The following TXLNG variants were observed in gnomAD, a reference collection of about 807,000 sequenced individuals.
The protein encoded by TXLNG is gamma-taxilin.
In TXLNG, 5 loss-of-function variants were observed where a neutral mutation model predicts 38.8. The observed-to-expected ratio is 0.13, with a 90% CI of 0.07 to 0.27. The LOEUF (loss-of-function observed/expected upper bound fraction) is 0.27. Among genes scored for constraint, TXLNG ranks in the 10% least tolerant of loss-of-function variants. The probability of loss-of-function intolerance (pLI) is 1.00; values close to 1 mark genes in which losing one functional copy is unlikely to be tolerated. For synonymous variants in TXLNG, 182 were observed against 158.2 expected (o/e 1.15, Z -1.13); for missense variants, 393 against 398.2 (o/e 0.99, Z 0.11).
At chrX:16,804,895 C>T (rs1266541627) in intron 1 of TXLNG, among the ~76,000 whole-genome samples, 2 of 102,825 alleles carry the variant, frequency 1.9e-5, no homozygotes, top group African/African-American at 7.1e-5. Context: ...ACCTCACTGT[C>T]CGTTGTCCCT....
rs1304872166 is a variant in TXLNG at position 16,794,526 on chromosome X, ACT to A, written c.102+7942_102+7943del. ...ATTGAAAGGTAGAGAGTTTAGAGAG[ACT>A]CTCTTTAACTTCTTGTAAATAAAGT... On this transcript the variant is annotated intron_variant, in intron 1 of 9. Coordinates refer to ENST00000380122, the MANE Select transcript of TXLNG (RefSeq NM_018360.3). Among the ~76,000 whole-genome samples the A allele has an allele frequency of 3.9e-5, 3 of 76,775 alleles. No homozygotes were observed. The East Asian group carries it at 9.1e-4, about 23-fold the overall frequency. 66.7% of individuals were successfully genotyped at this position (76,775 alleles called of 115,157 possible). A position where few individuals can be genotyped will look rare whatever the true frequency, so the allele number is the denominator to read the frequency against.
rs1929923145 is a variant in TXLNG at position 16,843,128 on chromosome X, A to G, written c.*1362A>G. The G allele has an allele frequency of 8.9e-6, 1 of 112,752 alleles. No homozygotes were observed. Among genetic ancestry groups the G allele is most frequent in the African/African-American group, 3.2e-5 (1 of 31,071 alleles). The allele number at this position is 112,752 out of a possible 1,213,427, so 9.3% of individuals were successfully genotyped here. ...GCTTTATGAAATAAAAGGTTCTACT[A>G]GAACTGATGTTAGCACATTCCACTG... is the stretch of plus-strand genomic sequence containing the variant. On this transcript the variant is annotated 3_prime_UTR_variant, in exon 10 of 10. Coordinates refer to ENST00000380122, the MANE Select transcript of TXLNG (RefSeq NM_018360.3).
intron 3 of TXLNG, among the ~76,000 whole-genome samples, chrX:16,821,716 C>T (rs981333375): frequency 1.8e-5 from 2 of 111,497 alleles, no homozygotes; most frequent in African/African-American, 3.3e-5. Flanking sequence ...TGAGGCTGGG[C>T]GCGGTGGCTC....
chrX:16,843,030 G>GTTATGCAGATGA lies in TXLNG; in HGVS notation c.*1268_*1279dup, dbSNP rs781590257. On this transcript the variant is annotated 3_prime_UTR_variant, in exon 10 of 10. Coordinates refer to ENST00000380122, the MANE Select transcript of TXLNG (RefSeq NM_018360.3). Reference sequence around the variant, plus strand: ...TTGTTTCAATGTTGAATGTGGCGCAGTTATGCAGATGATTAATCAGGCTGC... The same window carrying GTTATGCAGATGA: ...TTGTTTCAATGTTGAATGTGGCGCAGTTATGCAGATGATTATGCAGATGATTAATCAGGCTGC... The GTTATGCAGATGA allele has an allele frequency of 8.9e-6, 1 of 112,546 alleles. No homozygotes were observed. Among genetic ancestry groups the GTTATGCAGATGA allele is most frequent in the Non-Finnish European group, 1.9e-5 (1 of 53,339 alleles). The allele number at this position is 112,546 out of a possible 1,213,427, so 9.3% of individuals were successfully genotyped here.
intron 1 of TXLNG, among the ~76,000 whole-genome samples, chrX:16,805,736 C>G (rs1462590012): frequency 8.9e-6 from 1 of 111,963 alleles, no homozygotes; most frequent in African/African-American, 3.2e-5. Flanking sequence ...TATTTCATAC[C>G]TAAAATTTAC....
chrX:16,813,239 T>G (rs1191507947), intron 1 of TXLNG, among the ~76,000 whole-genome samples: 1 of 111,299 alleles, frequency 9.0e-6, no homozygotes, highest in Non-Finnish European at 1.9e-5. Flanking sequence ...AAAAACACAG[T>G]GAGGTACCAT....
At chrX:16,832,506 T>C in intron 5 of TXLNG, 117 bp from the exon 6 acceptor site, 2 of 974,894 alleles carry the variant, frequency 2.1e-6, no homozygotes, top group Admixed American at 5.0e-5. Flanking sequence ...TGTTCTTAGC[T>C]GCAGTGGTAG....
chrX:16,839,770 G>T, intron 8 of TXLNG, 51 bp from the exon 9 acceptor site: 1 of 941,161 alleles, frequency 1.1e-6, no homozygotes, highest in Non-Finnish European at 1.5e-6. Context: ...GGGACAGGGA[G>T]TAGAGATAAG....
At chrX:16,798,038 G>T (rs1000174598) in intron 1 of TXLNG, among the ~76,000 whole-genome samples, 5 of 112,189 alleles carry the variant, frequency 4.5e-5, no homozygotes, top group African/African-American at 1.3e-4. Flanking sequence ...GTTGGAACAG[G>T]GAGGAGTATT....
intron 5 of TXLNG, 87 bp from the exon 6 acceptor site, chrX:16,832,536 G>A: frequency 8.8e-7 from 1 of 1,139,743 alleles, no homozygotes; most frequent in Non-Finnish European, 1.2e-6. Context: ...AGCAGGGTGA[G>A]CAGGGTGCTG....
At chrX:16,815,828 AT>A (rs934628560) in intron 1 of TXLNG, among the ~76,000 whole-genome samples, 33 of 103,743 alleles carry the variant, frequency 3.2e-4, no homozygotes, top group African/African-American at 4.5e-4. Context: ...CCTGTCCGAA[AT>A]TTTTTTTTTT....
At chrX:16,833,158 T>C (rs1344893088) in intron 6 of TXLNG, among the ~76,000 whole-genome samples, 1 of 112,305 alleles carries the variant, frequency 8.9e-6, no homozygotes, top group Non-Finnish European at 1.9e-5. Flanking sequence ...AGCTCTCCTA[T>C]ATATGATTAC....
chrX:16,790,244 T>G (rs1028543504), intron 1 of TXLNG, among the ~76,000 whole-genome samples: 1 of 112,104 alleles, frequency 8.9e-6, no homozygotes, highest in Non-Finnish European at 1.9e-5. Context: ...TTGACAAATG[T>G]GTAGTGACAT....
At chrX:16,819,722 T>C (rs978841069) in intron 2 of TXLNG, among the ~76,000 whole-genome samples, 3 of 112,181 alleles carry the variant, frequency 2.7e-5, no homozygotes, top group East Asian at 2.8e-4. Context: ...GGAAAAGATA[T>C]GTTCTCCTGT....
At chrX:16,832,173 A>G (rs942559995) in intron 5 of TXLNG, among the ~76,000 whole-genome samples, 1 of 112,332 alleles carries the variant, frequency 8.9e-6, no homozygotes, top group Admixed American at 9.4e-5. Context: ...GACCTGGGCC[A>G]TTCCTACCAT....
At chrX:16,832,601 A>G (rs1210731812) in intron 5 of TXLNG, 22 bp from the exon 6 acceptor site, 1 of 1,210,911 alleles carries the variant, frequency 8.3e-7, no homozygotes, top group East Asian at 3.0e-5. Flanking sequence ...GAGTGATGGA[A>G]GAAACTCTCC....
Position 16,816,777 on chromosome X carries a change from T to C in TXLNG, c.103-1797T>C, listed in dbSNP as rs148811853. On this transcript the variant is annotated intron_variant, in intron 1 of 9. Coordinates refer to ENST00000380122, the MANE Select transcript of TXLNG (RefSeq NM_018360.3). ...TAATCTCTCTTCTTAGAGGAAAATA[T>C]TTGTTTTGGTTCCTCTTACTTCTTG... Among the ~76,000 whole-genome samples, 643 of 112,382 alleles carry C rather than the reference T, an allele frequency of 5.7e-3. 7 individuals are homozygous for C. The highest frequency in any genetic ancestry group is 0.02 in the African/African-American group (614 of 30,980).
Position 16,807,710 on chromosome X carries a change from A to G in TXLNG, c.103-10864A>G, listed in dbSNP as rs73452427. On this transcript the variant is annotated intron_variant, in intron 1 of 9. Transcript: ENST00000380122. The stretch of plus-strand genomic sequence containing the variant: ...TGTCTAGGAAAATGCAGAAATACAC[A>G]CAACTTTTCCCAACTGCTCCCTCTG... Among the ~76,000 whole-genome samples, 192 of 111,246 alleles carry G rather than the reference A, an allele frequency of 1.7e-3. 2 individuals are homozygous for G. The highest frequency in any genetic ancestry group is 5.9e-3 in the African/African-American group (181 of 30,673).
chrX:16,803,686 G>A (rs754735157), intron 1 of TXLNG, among the ~76,000 whole-genome samples: 25 of 104,971 alleles, frequency 2.4e-4, no homozygotes, highest in African/African-American at 7.9e-4. Context: ...AGGCGCGGTG[G>A]CTCACGCCTG....
Sources: allele counts gnomAD v4.1 joint callset (sites outside exome capture counted in the v4.1 genomes callset), GRCh38; gene constraint gnomAD v4.1.1; transcripts MANE v1.5; gene names NCBI Gene and HGNC (gene_info 2026-07-23, HGNC 2026-07-21).